The following GART variants were observed in gnomAD, a reference collection of about 807,000 sequenced individuals.
GART encodes phosphoribosylglycinamide formyltransferase, phosphoribosylglycinamide synthetase, phosphoribosylaminoimidazole synthetase.
In GART, 43 loss-of-function variants were observed where a neutral mutation model predicts 107.2. The observed-to-expected ratio is 0.40, with a 90% confidence interval of 0.31 to 0.52. The LOEUF is 0.52. GART is among the 20% of genes least tolerant of loss of function. The pLI is 0.52. For missense variants in GART, 1,107 were observed against 1,206.5 expected, an observed-to-expected ratio of 0.92 and a Z score of 1.22; for synonymous variants, 434 against 427.0, an observed-to-expected ratio of 1.02 and a Z score of -0.20.
intron 14 of GART, chr21:33,518,926 C>T: frequency 6.1e-6 from 3 of 487,852 alleles, no homozygotes; most frequent in Admixed American, 2.3e-5. Flanking sequence ...GAAATGCTAC[C>T]AGCATTTTAG....
At position 33,504,539 on chromosome 21, in the gene GART, A is replaced by G. The variant is rs2084646764; in HGVS notation, c.2726-12T>C. 1 of 1,576,546 alleles carries G rather than the reference A, an allele frequency of 6.3e-7. No homozygotes were observed. Among genetic ancestry groups the G allele is most frequent in the South Asian group, 1.1e-5 (1 of 90,176 alleles). ...ATTGAGCATTTTTCCTAAAAATTAA[A>G]AAAAGCATAGTGGTCAGAATTTAAA... is the stretch of plus-strand genomic sequence containing the variant. On this transcript the variant is annotated splice_polypyrimidine_tract_variant and intron_variant, in intron 20 of 21. Coordinates refer to ENST00000381815, the MANE Select transcript of GART (RefSeq NM_000819.5).
chr21:33,536,759 C>A (rs1261643323), intron 2 of GART, among the ~76,000 whole-genome samples: 3 of 152,176 alleles, frequency 2.0e-5, no homozygotes, highest in Non-Finnish European at 4.4e-5. Context: ...ACCAACAGGG[C>A]TAGTAAGTAA....
intron 11 of GART, 29 bp downstream of exon 11, chr21:33,524,740 C>A (rs1407391830): frequency 6.2e-7 from 1 of 1,613,648 alleles, no homozygotes. Context: ...TCTGAAATGG[C>A]ACTACAGCTA....
chr21:33,531,485 A>C lies in GART; in HGVS notation c.597+4T>G, dbSNP rs117417794. ...ACAAAAGCCAAAAAGATGAATATAC[A>C]TACCGACACCTCTTCTCCGTCAAGA... On this transcript the variant is annotated splice_donor_region_variant and intron_variant, in intron 6 of 21. Coordinates refer to ENST00000381815, the MANE Select transcript of GART (RefSeq NM_000819.5). 6.2e-7 allele frequency: 1 copy of C among 1,612,640 alleles called. No homozygotes were observed. The highest frequency in any genetic ancestry group is 1.7e-4 in the Middle Eastern group (1 of 6,050).
intron 14 of GART, 141 bp from the exon 15 acceptor site, chr21:33,517,749 G>C (rs904310914): frequency 3.5e-6 from 3 of 852,788 alleles, no homozygotes; most frequent in African/African-American, 3.4e-5. Flanking sequence ...TCTACCAGCT[G>C]TCTAACAGAA....
chr21:33,524,448 G>C (rs184648423), intron 11 of GART: 1 of 612,620 alleles, frequency 1.6e-6, no homozygotes, highest in African/African-American at 2.0e-5. Flanking sequence ...CTATTTGGGA[G>C]GCTGAGGCAT....
At chr21:33,512,262 G>A (rs1475369482) in intron 16 of GART, among the ~76,000 whole-genome samples, 2 of 133,910 alleles carry the variant, frequency 1.5e-5, no homozygotes, top group African/African-American at 5.7e-5. Context: ...CTAGCCTGGT[G>A]GACAGAGTGA....
chr21:33,529,011 G>A (rs1294591424), intron 7 of GART, 74 bp from the exon 8 acceptor site: 2 of 945,964 alleles, frequency 2.1e-6, no homozygotes, highest in Admixed American at 3.8e-5. Context: ...TGGGACAACA[G>A]AAGGGGATGA....
At chr21:33,511,995 C>T (rs1248223232) in intron 16 of GART, among the ~76,000 whole-genome samples, 1 of 151,902 alleles carries the variant, frequency 6.6e-6, no homozygotes, top group Non-Finnish European at 1.5e-5. Flanking sequence ...CTCGGCCGGG[C>T]GTGAGAATCC....
rs71194850 is a variant in GART at position 33,515,652 on chromosome 21, CAAAAAAAA to C, written c.2107+1329_2107+1336del. On this transcript the variant is annotated intron_variant, in intron 16 of 21. Coordinates refer to ENST00000381815, the MANE Select transcript of GART (RefSeq NM_000819.5). ...CTGGCGACAGAGCAAGACTCCAACTCAAAAAAAAAAAAAAAAAAAAAAACGAAAAACAA... is the reference window on the plus strand; with the variant it reads ...CTGGCGACAGAGCAAGACTCCAACTCAAAAAAAAAAAAAAACGAAAAACAA... Among the ~76,000 whole-genome samples, 13 of 35,854 alleles carry C rather than the reference CAAAAAAAA, an allele frequency of 3.6e-4. No individual in the cohort carries two copies. In the South Asian group the frequency reaches 0.019, roughly 51 times the overall value. The allele number at this position is 35,854 out of a possible 152,430, so 23.5% of individuals were successfully genotyped here.
In GART at chr21:33,505,979, T is replaced by C. The variant is rs773478526; in HGVS notation, c.2578A>G (p.Thr860Ala). Residue 860 changes from threonine to alanine, a missense_variant, in exon 19 of 22, where the codon ACT becomes GCT. Coordinates refer to ENST00000381815, the MANE Select transcript of GART (RefSeq NM_000819.5). The part of the protein sequence containing the change: ...LDKAERAGIP[T>A]RVINHKLYKN... Reference sequence around the variant, plus strand: ...TATTTTCCCAAGTAACTTACTCTAGTGGGAATACCAGCTCTTTCCGCTTTA... The same window carrying C: ...TATTTTCCCAAGTAACTTACTCTAGCGGGAATACCAGCTCTTTCCGCTTTA... 1 of 1,614,030 alleles carries C rather than the reference T, an allele frequency of 6.2e-7. No individual in the cohort carries two copies. Among genetic ancestry groups the C allele is most frequent in the East Asian group, 2.2e-5 (1 of 44,876 alleles).
intron 18 of GART, among the ~76,000 whole-genome samples, chr21:33,507,765 G>A (rs1469402179): frequency 6.6e-6 from 1 of 152,188 alleles, no homozygotes; most frequent in Non-Finnish European, 1.5e-5. Context: ...CTGGGAGGCG[G>A]AGTTTGCAGT....
intron 3 of GART, 63 bp downstream of exon 3, chr21:33,535,162 G>A: frequency 1.0e-6 from 1 of 1,002,082 alleles, no homozygotes; most frequent in East Asian, 2.7e-5. Context: ...AATTGGATTA[G>A]ATGATCCCTA....
At chr21:33,517,710 A>G (rs1018659221) in intron 14 of GART, 102 bp from the exon 15 acceptor site, 5 of 1,148,360 alleles carry the variant, frequency 4.4e-6, no homozygotes, top group Non-Finnish European at 6.2e-6. Flanking sequence ...ACACATGGCT[A>G]TGTCCTGCAA....
chr21:33,527,720 G>A (rs1483694404), intron 10 of GART, among the ~76,000 whole-genome samples: 1 of 152,074 alleles, frequency 6.6e-6, no homozygotes, highest in African/African-American at 2.4e-5. Context: ...TTTGAATTTT[G>A]CCATCCAAGT....
chr21:33,510,495 A>C (rs1362602614), intron 17 of GART, among the ~76,000 whole-genome samples: 2 of 151,044 alleles, frequency 1.3e-5, no homozygotes, highest in African/African-American at 4.9e-5. Context: ...ACGCCCGGCT[A>C]ATGTTTTGTA....
chr21:33,519,179 C>T (rs2084927041), intron 14 of GART: 1 of 199,804 alleles, frequency 5.0e-6, no homozygotes, highest in Non-Finnish European at 1.0e-5. Flanking sequence ...TCAAGGGGTC[C>T]TGGGTAGACC....
intron 10 of GART, 51 bp from the exon 11 acceptor site, chr21:33,525,051 C>T (rs2145725555): frequency 1.9e-6 from 3 of 1,559,958 alleles, no homozygotes; most frequent in Non-Finnish European, 2.6e-6. Context: ...CAGTATTTCA[C>T]ACCGTGAAGT....
intron 14 of GART, chr21:33,518,868 C>T (rs1250243669): frequency 2.1e-5 from 11 of 536,004 alleles, no homozygotes; most frequent in South Asian, 8.4e-5. Flanking sequence ...CTATCAGCTG[C>T]GTTGTCTCAG....
Sources: gnomAD v4.1 joint callset for allele counts (sites outside exome capture counted in the v4.1 genomes callset) on GRCh38, gnomAD v4.1.1 for gene constraint, MANE v1.5 for transcripts, NCBI Gene and HGNC (gene_info 2026-07-23, HGNC 2026-07-21) for gene names.